PCNT: variants seen among roughly 807,000 people sequenced by gnomAD.
The protein encoded by PCNT is kendrin.
A neutral mutation model predicts 380.4 loss-of-function variants in PCNT; 319 were observed. The observed-to-expected ratio is 0.84, with a 90% confidence interval of 0.77 to 0.92. The LOEUF (loss-of-function observed/expected upper bound fraction) is 0.92, where lower values mean the gene tolerates loss of function less well. Ranked by LOEUF, PCNT falls within the 40% of genes least tolerant of loss-of-function variation. The pLI is 0.00. For missense variants in PCNT, 4,400 were observed against 4,255.3 expected, an observed-to-expected ratio of 1.03 and a Z score of -0.95; for synonymous variants, 1,845 against 1,735.2, an observed-to-expected ratio of 1.06 and a Z score of -1.57.
intron 2 of PCNT, among the ~76,000 whole-genome samples, chr21:46,330,154 C>T (rs2083511996): frequency 6.6e-6 from 1 of 151,910 alleles, no homozygotes; most frequent in African/African-American, 2.4e-5. Context: ...GTCTTGTTTT[C>T]TTGACCAGGC....
In PCNT at chr21:46,411,522, C is replaced by T. The variant is rs571289721; in HGVS notation, c.5449C>T (p.Leu1817=). The T allele has an allele frequency of 2.5e-6, 4 of 1,610,114 alleles. No homozygotes were observed. In the East Asian group the frequency reaches 6.7e-5, roughly 27 times the overall value. The change falls in exon 28 of 47, where the codon CTG becomes TTG. Residue 1817 remains leucine (L), a synonymous_variant. Coordinates refer to ENST00000359568, the MANE Select transcript of PCNT (RefSeq NM_006031.6). Reference sequence around the variant, plus strand: ...CCAGGAGCGCAGGCACAGCCAGGCCCTGGAGGCCCTGCAGCAGCGCCTCCA... The same window carrying T: ...CCAGGAGCGCAGGCACAGCCAGGCCTTGGAGGCCCTGCAGCAGCGCCTCCA... ...ADQERRHSQA[L]EALQQRLQGA...
chr21:46,427,555 C>T (rs1031883068), intron 33 of PCNT, 67 bp from the exon 34 acceptor site: 14 of 1,594,460 alleles, frequency 8.8e-6, no homozygotes, highest in Admixed American at 1.7e-5. Context: ...AGTCACACTG[C>T]GAACTTTAGG....
At position 46,416,562 on chromosome 21, in the gene PCNT, C is replaced by T. The variant is rs750958898; in HGVS notation, c.6644C>T (p.Pro2215Leu). Residue 2215 changes from proline (P) to leucine (L), a missense_variant, in exon 30 of 47, where the codon CCG becomes CTG. Coordinates refer to ENST00000359568, the MANE Select transcript of PCNT (RefSeq NM_006031.6). Reference sequence around the variant, plus strand: ...GCAGAGGCTGGGCCCCGGAAGAGCCCGGTCGGGATGCTGGACCTGTCTTCC... The same window carrying T: ...GCAGAGGCTGGGCCCCGGAAGAGCCTGGTCGGGATGCTGGACCTGTCTTCC... ...HTAEAGPRKSPVGMLDLSSWS... is the reference protein window; with the variant it reads ...HTAEAGPRKSLVGMLDLSSWS... The T allele has an allele frequency of 2.6e-5, 42 of 1,612,048 alleles. No individual in the cohort carries two copies. Among genetic ancestry groups the T allele is most frequent in the Middle Eastern group, 1.6e-4 (1 of 6,080 alleles).
intron 16 of PCNT, among the ~76,000 whole-genome samples, chr21:46,384,722 ACATT>A (rs995919923): frequency 4.5e-5 from 6 of 133,558 alleles, no homozygotes; most frequent in African/African-American, 1.4e-4. Flanking sequence ...CGGCGGAAAC[ACATT>A]CATGGTGTTG....
rs374857206 is a variant in PCNT at position 46,440,087 on chromosome 21, C to G, written c.9278C>G (p.Ser3093Trp). 2.0e-5 allele frequency: 32 copies of G among 1,614,008 alleles called. No individual in the cohort carries two copies. The East Asian group carries it at 2.2e-4, about 11-fold the overall frequency. Residue 3093 changes from serine to tryptophan, a missense_variant, in exon 42 of 47, where the codon TCG (serine) becomes TGG (tryptophan). Coordinates refer to ENST00000359568, the MANE Select transcript of PCNT (RefSeq NM_006031.6). ...HLQKGCSPSR[S>W]ERSAWKPDET... ...GCTGGCTGTGCTTCCTTACAGAGGT[C>G]GGAAAGGTCTGCTTGGAAGCCAGAC...
Position 46,416,489 on chromosome 21 carries a change from T to C in PCNT, c.6571T>C (p.Ser2191Pro), listed in dbSNP as rs34151633. 65,323 of 1,614,058 alleles carry C rather than the reference T, an allele frequency of 0.04. 1,744 individuals carry two copies. Among genetic ancestry groups the C allele is most frequent in the Middle Eastern group, 0.083 (502 of 6,062 alleles). Residue 2191 changes from serine (S) to proline (P), a missense_variant, in exon 30 of 47, where the codon TCT (serine) becomes CCT (proline). Coordinates refer to ENST00000359568, the MANE Select transcript of PCNT (RefSeq NM_006031.6). ...ATCAGAATGTCAGGACATGTCTCTT[T>C]CTTCACCGACCAGCGTACTTGGTGG... The part of the protein sequence containing the change: ...EKSECQDMSL[S>P]SPTSVLGGSR...
At chr21:46,389,010 A>G in intron 18 of PCNT, 126 bp downstream of exon 18, 1 of 1,431,856 alleles carries the variant, frequency 7.0e-7, no homozygotes, top group South Asian at 1.2e-5. Flanking sequence ...GTTTCCTGCT[A>G]GTTTCCGCAC....
intron 20 of PCNT, 26 bp downstream of exon 20, chr21:46,390,858 C>A: frequency 4.4e-6 from 7 of 1,600,668 alleles, no homozygotes; most frequent in Non-Finnish European, 6.0e-6. Context: ...CCTCGGGGCA[C>A]CTGGAGCACA....
rs2087702371 is a variant in PCNT at position 46,430,435 on chromosome 21, C to A, written c.7914-72C>A. 4 of 1,532,548 alleles carry A rather than the reference C, an allele frequency of 2.6e-6. 1 individual carries two copies. In the East Asian group the frequency reaches 9.8e-5, roughly 38 times the overall value. 94.9% of individuals were successfully genotyped at this position (1,532,548 alleles called of 1,614,324 possible). On this transcript the variant is annotated intron_variant, in intron 36 of 46. Coordinates refer to ENST00000359568, the MANE Select transcript of PCNT (RefSeq NM_006031.6). ...GACCTGGCAGGGCTCTGCCTCCCCT[C>A]CTGGAGCTCCCAGCCCCCGGGAACA...
At position 46,389,264 on chromosome 21, in the gene PCNT, T is replaced by C. The variant is rs1249614018; in HGVS notation, c.3673T>C (p.Cys1225Arg). The change falls in exon 19 of 47, where the codon TGT (cysteine) becomes CGT (arginine). Residue 1225 changes from cysteine to arginine, a missense_variant. By Grantham distance (180) the Cys-to-Arg change is radical. Coordinates refer to ENST00000359568, the MANE Select transcript of PCNT (RefSeq NM_006031.6). ...GGAGTTGGACAGAACTTTGTCTGAA[T>C]GTGCAGAGATGTCTTCCGTGGCTGA... is the stretch of plus-strand genomic sequence containing the variant. ...LPELDRTLSE[C>R]AEMSSVAEIS... 6.2e-7 allele frequency: 1 copy of C among 1,614,240 alleles called. No homozygotes were observed. The highest frequency in any genetic ancestry group is 1.7e-5 in the Admixed American group (1 of 60,028).
chr21:46,339,215 C>G (rs184233989), intron 3 of PCNT, among the ~76,000 whole-genome samples: 212 of 152,302 alleles, frequency 1.4e-3, no homozygotes, highest in African/African-American at 5.0e-3. Flanking sequence ...TGTGCCTGGC[C>G]TGTTTTTATT....
intron 15 of PCNT, among the ~76,000 whole-genome samples, chr21:46,371,931 A>G (rs547448220): frequency 6.6e-6 from 1 of 151,536 alleles, no homozygotes; most frequent in South Asian, 2.1e-4. Context: ...GCACATGCGC[A>G]TGCTCACACA....
intron 4 of PCNT, 77 bp from the exon 5 acceptor site, chr21:46,346,666 A>G (rs1223376634): frequency 1.3e-6 from 2 of 1,505,468 alleles, no homozygotes; most frequent in African/African-American, 1.4e-5. Flanking sequence ...ACTCATTCTC[A>G]TTCATGCTTC....
Position 46,431,641 on chromosome 21 carries a change from A to T in PCNT, c.8177A>T (p.His2726Leu), listed in dbSNP as rs1173746567. 6.2e-7 allele frequency: 1 copy of T among 1,613,838 alleles called. No individual in the cohort carries two copies. Among genetic ancestry groups the T allele is most frequent in the East Asian group, 2.2e-5 (1 of 44,872 alleles). ...DNLQKELRIEHSRCEALLAQE... is the reference protein window; with the variant it reads ...DNLQKELRIELSRCEALLAQE... ...CTGCAGAAGGAGCTGCGTATCGAGC[A>T]CTCACGCTGCGAGGCCTTGCTGGCT... is the stretch of plus-strand genomic sequence containing the variant. Residue 2726 changes from histidine to leucine, a missense_variant, in exon 38 of 47, where the codon CAC becomes CTC. Physicochemically the swap from His to Leu is moderately conservative, Grantham distance 99. Coordinates refer to ENST00000359568, the MANE Select transcript of PCNT (RefSeq NM_006031.6).
At chr21:46,340,943 G>A (rs1001478755) in intron 3 of PCNT, among the ~76,000 whole-genome samples, 2 of 152,220 alleles carry the variant, frequency 1.3e-5, no homozygotes, top group African/African-American at 4.8e-5. Flanking sequence ...GAGTGCAGTG[G>A]TGCCATCTCA....
At chr21:46,436,212 G>A in intron 39 of PCNT, 64 bp downstream of exon 39, 1 of 1,586,816 alleles carries the variant, frequency 6.3e-7, no homozygotes, top group South Asian at 1.1e-5. Context: ...CCCAGACCCG[G>A]CCCGAGGGCT....
At chr21:46,409,133 T>C (rs1294243402) in intron 27 of PCNT, among the ~76,000 whole-genome samples, 1 of 152,068 alleles carries the variant, frequency 6.6e-6, no homozygotes, top group Non-Finnish European at 1.5e-5. Context: ...TTTCTCCCAA[T>C]GTATGGCTGG....
At chr21:46,385,558 C>T (rs771791844) in intron 16 of PCNT, among the ~76,000 whole-genome samples, 1 of 152,208 alleles carries the variant, frequency 6.6e-6, no homozygotes. Context: ...ATAATTTTCA[C>T]CTTTAATCAG....
rs936354491 is a variant in PCNT at position 46,397,384 on chromosome 21, CA to C, written c.4337del (p.Gln1446ArgfsTer91). The C allele has an allele frequency of 6.2e-7, 1 of 1,614,200 alleles. No individual in the cohort carries two copies. The highest frequency in any genetic ancestry group is 2.2e-5 in the East Asian group (1 of 44,882). Reference protein sequence around the residue: ...MKILESELEEQLSQHRGCAKQ... With the variant: ...MKILESELEEXLSQHRGCAKQ... The stretch of plus-strand genomic sequence containing the variant: ...GATTTTGGAGTCTGAGTTAGAAGAA[CA>C]GCTGTCTCAGCATCGCGGGTGTGCC... On this transcript the variant is annotated frameshift_variant, in exon 22 of 47. Coordinates refer to ENST00000359568, the MANE Select transcript of PCNT (RefSeq NM_006031.6). LOFTEE classifies it high-confidence loss of function.
Sources: allele counts gnomAD v4.1 joint callset (sites outside exome capture counted in the v4.1 genomes callset), GRCh38; gene constraint gnomAD v4.1.1; transcripts MANE v1.5; gene names NCBI Gene and HGNC (gene_info 2026-07-23, HGNC 2026-07-21).